MAST2: variants seen among roughly 807,000 people sequenced by gnomAD.
MAST2 encodes the protein microtubule associated serine/threonine kinase 2, also known as microtubule-associated serine/threonine-protein kinase 2.
Under a neutral mutation model 147.4 loss-of-function variants are expected in MAST2, and 70 were observed. The observed-to-expected ratio is 0.47, with a 90% CI of 0.39 to 0.58. MAST2 has a LOEUF of 0.58. MAST2 is among the 20% of genes least tolerant of loss of function. The pLI is 0.00. For missense variants in MAST2, 2,080 were observed against 2,302.3 expected (o/e 0.90, Z 1.98); for synonymous variants, 869 against 896.8 (o/e 0.97, Z 0.55).
At chr1:45,852,231 A>G (rs1645644712) in intron 3 of MAST2, among the ~76,000 whole-genome samples, 1 of 152,196 alleles carries the variant, frequency 6.6e-6, no homozygotes, top group Admixed American at 6.5e-5. Flanking sequence ...GGCCACCACC[A>G]CAATCAACAT....
At chr1:45,815,835 C>T (rs562736279) in intron 1 of MAST2, among the ~76,000 whole-genome samples, 3 of 152,168 alleles carry the variant, frequency 2.0e-5, no homozygotes, top group Non-Finnish European at 4.4e-5. Context: ...ATTCCATTGC[C>T]AGAACTCAGT....
intron 3 of MAST2, among the ~76,000 whole-genome samples, chr1:45,852,452 C>T (rs1645652886): frequency 1.3e-5 from 2 of 152,104 alleles, no homozygotes; most frequent in African/African-American, 4.8e-5. Context: ...GCCTCCATCT[C>T]CCAGTCTCAG....
intron 3 of MAST2, among the ~76,000 whole-genome samples, chr1:45,870,070 C>G (rs1646319949): frequency 6.6e-6 from 1 of 152,106 alleles, no homozygotes; most frequent in Non-Finnish European, 1.5e-5. Context: ...ATCACAGGTT[C>G]CTGCCACCAT....
At chr1:46,003,438 CTGCT>C (rs1254495487) in intron 7 of MAST2, among the ~76,000 whole-genome samples, 5 of 152,016 alleles carry the variant, frequency 3.3e-5, no homozygotes, top group Non-Finnish European at 5.9e-5. Context: ...GTACTAATTG[CTGCT>C]ATGCACAATT....
At chr1:46,009,641 T>G (rs1645634471) in intron 9 of MAST2, among the ~76,000 whole-genome samples, 1 of 152,222 alleles carries the variant, frequency 6.6e-6, no homozygotes, top group African/African-American at 2.4e-5. Context: ...GTATGTTAGG[T>G]GTTTTTGTAG....
Position 46,035,779 on chromosome 1 carries a change from A to G in MAST2, c.5110A>G (p.Lys1704Glu). 1 of 1,614,084 alleles carries G rather than the reference A, an allele frequency of 6.2e-7. No individual in the cohort carries two copies. The highest frequency in any genetic ancestry group is 8.5e-7 in the Non-Finnish European group (1 of 1,180,012). The change falls in exon 29 of 29, where the codon AAG (lysine) becomes GAG (glutamate). Residue 1704 changes from lysine to glutamate, a missense_variant. Around this residue, in one of 4 missense-constraint regions of MAST2, gnomAD observed 1,278 missense variants for 1,304.2 expected, o/e 0.98. Transcript: ENST00000361297. The surrounding 1 kb of genome is among the most constrained non-coding windows in gnomAD (Gnocchi z 5.5). ...PKNLSPREQG[K>E]TQPPSAPRLA... ...GAACCTGTCTCCCAGGGAGCAGGGG[A>G]AGACACAGCCACCTAGTGCCCCCAG...
At chr1:45,837,131 A>G (rs1021683904) in intron 3 of MAST2, among the ~76,000 whole-genome samples, 3 of 152,014 alleles carry the variant, frequency 2.0e-5, no homozygotes, top group African/African-American at 7.3e-5. Flanking sequence ...GGTCCCTAAC[A>G]GGCCATGGAC....
chr1:45,926,817 C>T (rs1654446498), intron 4 of MAST2, among the ~76,000 whole-genome samples: 1 of 151,952 alleles, frequency 6.6e-6, no homozygotes, highest in African/African-American at 2.4e-5. Flanking sequence ...CTTCAGGAAC[C>T]CTTATATGCG....
intron 3 of MAST2, among the ~76,000 whole-genome samples, chr1:45,830,181 CT>C (rs11407885): frequency 5.3e-4 from 57 of 108,236 alleles, no homozygotes; most frequent in Admixed American, 5.8e-4. Flanking sequence ...TTAATTGAAT[CT>C]TTTTTTTTTT....
intron 4 of MAST2, among the ~76,000 whole-genome samples, chr1:45,912,424 A>G (rs1462550981): frequency 6.6e-6 from 1 of 152,132 alleles, no homozygotes; most frequent in African/African-American, 2.4e-5. Context: ...TTTCTTTTCT[A>G]TTCTATTTCA....
intron 4 of MAST2, chr1:45,917,488 A>G: frequency 7.3e-7 from 1 of 1,366,560 alleles, no homozygotes; most frequent in Non-Finnish European, 9.8e-7. Flanking sequence ...CCACGAGCCC[A>G]CAGCAGTCCT....
intron 3 of MAST2, among the ~76,000 whole-genome samples, chr1:45,862,145 G>C (rs1646000566): frequency 6.6e-6 from 1 of 152,170 alleles, no homozygotes; most frequent in Non-Finnish European, 1.5e-5. Flanking sequence ...AACCAAACAG[G>C]CTTTAAGGAA....
At chr1:45,919,873 T>C (rs1344586776) in intron 4 of MAST2, among the ~76,000 whole-genome samples, 1 of 152,098 alleles carries the variant, frequency 6.6e-6, no homozygotes, top group Non-Finnish European at 1.5e-5. Context: ...TTTGTATCCA[T>C]GCCATGCAAA....
At chr1:45,930,235 G>A (rs1655055603) in intron 4 of MAST2, among the ~76,000 whole-genome samples, 1 of 151,890 alleles carries the variant, frequency 6.6e-6, no homozygotes, top group Non-Finnish European at 1.5e-5. Flanking sequence ...CCACCACCAC[G>A]CCTGGCTAAT....
At chr1:46,033,692 G>A (rs1318877433) in intron 26 of MAST2, 110 bp from the exon 27 acceptor site, 2 of 1,393,140 alleles carry the variant, frequency 1.4e-6, no homozygotes, top group African/African-American at 1.4e-5. Context: ...TTGGTGCAGG[G>A]ACAAAAAGCT....
At chr1:45,984,012 A>T (rs548659969) in intron 5 of MAST2, among the ~76,000 whole-genome samples, 1 of 152,356 alleles carries the variant, frequency 6.6e-6, no homozygotes, top group East Asian at 1.9e-4. Context: ...GAAAAATGTT[A>T]TGCCTCCTCC....
intron 12 of MAST2, 96 bp from the exon 13 acceptor site, chr1:46,022,814 A>G (rs1363176806): frequency 2.2e-6 from 2 of 900,076 alleles, no homozygotes; most frequent in East Asian, 4.8e-5. Flanking sequence ...AAAAGCATTA[A>G]TGACTACCCT....
At chr1:45,971,847 A>G (rs1244480778) in intron 5 of MAST2, among the ~76,000 whole-genome samples, 1 of 152,318 alleles carries the variant, frequency 6.6e-6, no homozygotes, top group South Asian at 2.1e-4. Context: ...ATATGGAGGC[A>G]TGGAATTGAT....
chr1:46,025,529 G>A, intron 15 of MAST2, 148 bp from the exon 16 acceptor site: 1 of 899,316 alleles, frequency 1.1e-6, no homozygotes, highest in Non-Finnish European at 1.7e-6. Flanking sequence ...ACCCATGCCA[G>A]CAGCAAAGGG....
Sources: allele counts gnomAD v4.1 joint callset (sites outside exome capture counted in the v4.1 genomes callset), GRCh38; gene constraint gnomAD v4.1.1; regional missense constraint gnomAD v4.1.1; non-coding constraint Gnocchi (gnomAD v3.1); transcripts MANE v1.5; gene names NCBI Gene and HGNC (gene_info 2026-07-23, HGNC 2026-07-21).